Variants in XPO7 observed in about 807,000 individuals in gnomAD.
XPO7 encodes the protein exportin 7, also known as exportin-7.
A neutral mutation model predicts 144.3 loss-of-function variants in XPO7; 21 were observed. The observed-to-expected ratio is 0.15, with a 90% confidence interval of 0.10 to 0.21. The LOEUF (loss-of-function observed/expected upper bound fraction) is 0.21, where lower values mean the gene tolerates loss of function less well. Ranked by LOEUF, XPO7 falls within the 10% of genes least tolerant of loss-of-function variation. XPO7 has a pLI of 1.00. For synonymous variants in XPO7, 580 were observed against 499.6 expected, an observed-to-expected ratio of 1.16 and a Z score of -2.15; for missense variants, 808 against 1,325.8, an observed-to-expected ratio of 0.61 and a Z score of 6.06.
intron 10 of XPO7, 56 bp downstream of exon 10, chr8:21,981,933 T>A: frequency 6.2e-7 from 1 of 1,602,090 alleles, no homozygotes; most frequent in Non-Finnish European, 8.5e-7. Flanking sequence ...TCTTGCTTGT[T>A]GGTTTTAACC....
At chr8:21,924,764 G>T (rs572276136) in intron 1 of XPO7, among the ~76,000 whole-genome samples, 1 of 152,304 alleles carries the variant, frequency 6.6e-6, no homozygotes, top group East Asian at 1.9e-4. Context: ...TTGAGAAACT[G>T]ATTTACAAGT....
chr8:21,956,392 C>T (rs935674212), intron 1 of XPO7, among the ~76,000 whole-genome samples: 2 of 152,174 alleles, frequency 1.3e-5, no homozygotes, highest in Non-Finnish European at 1.5e-5. Context: ...TGGTGTGCCT[C>T]GGGTGTGGGT....
intron 27 of XPO7, 39 bp from the exon 28 acceptor site, chr8:22,004,956 C>G (rs758783294): frequency 1.5e-5 from 17 of 1,150,512 alleles, no homozygotes; most frequent in East Asian, 8.4e-5. Context: ...CCTTTCCCCC[C>G]CACTCTCCTC....
intron 1 of XPO7, among the ~76,000 whole-genome samples, chr8:21,965,900 C>T (rs1030576606): frequency 6.6e-6 from 1 of 152,180 alleles, no homozygotes; most frequent in Non-Finnish European, 1.5e-5. Context: ...CTCAAACTAT[C>T]CTTGCTGCTG....
At position 21,969,369 on chromosome 8, in the gene XPO7, A is replaced by G. The variant is rs566994701; in HGVS notation, c.166-114A>G. ...GACCCTCTAAAATCCAGAGGATCAA[A>G]TCTGCCAAAACTGATTGCCTTTTCT... is the stretch of plus-strand genomic sequence containing the variant. On this transcript the variant is annotated intron_variant, in intron 2 of 27. Coordinates refer to ENST00000252512, the MANE Select transcript of XPO7 (RefSeq NM_015024.5). 1.6e-5 allele frequency: 14 copies of G among 863,678 alleles called. 1 individual carries two copies. In the South Asian group the frequency reaches 2.2e-4, roughly 14 times the overall value. The allele number at this position is 863,678 out of a possible 1,614,324, so 53.5% of individuals were successfully genotyped here.
At chr8:21,986,242 C>A (rs1004961190) in intron 13 of XPO7, among the ~76,000 whole-genome samples, 3 of 150,472 alleles carry the variant, frequency 2.0e-5, no homozygotes, top group African/African-American at 7.3e-5. Context: ...GTTCCAGGTT[C>A]TCCCGGGTTC....
chr8:21,983,883 T>C (rs1434040899), intron 11 of XPO7, among the ~76,000 whole-genome samples: 1 of 152,132 alleles, frequency 6.6e-6, no homozygotes, highest in Admixed American at 6.5e-5. Context: ...GCCATTATCA[T>C]ATTGCAGTGT....
chr8:21,972,680 C>G (rs534811494), intron 5 of XPO7, among the ~76,000 whole-genome samples: 2 of 152,134 alleles, frequency 1.3e-5, no homozygotes, highest in Non-Finnish European at 1.5e-5. Context: ...ACTTTTTTAT[C>G]CAGCTAAAAA....
Position 21,958,540 on chromosome 8 carries a change from G to C in XPO7, c.19-8317G>C, listed in dbSNP as rs531815002. Among the ~76,000 whole-genome samples the C allele has an allele frequency of 2.6e-5, 4 of 151,742 alleles. No individual in the cohort carries two copies. The East Asian group carries it at 7.7e-4, about 29-fold the overall frequency. ...CTTAGGAACTCGACATAGCACTTCAGCACTCTGTGGGCCATGTTAAGCAGT... is the reference window on the plus strand; with the variant it reads ...CTTAGGAACTCGACATAGCACTTCACCACTCTGTGGGCCATGTTAAGCAGT... On this transcript the variant is annotated intron_variant, in intron 1 of 27. Coordinates refer to ENST00000252512, the MANE Select transcript of XPO7 (RefSeq NM_015024.5).
In XPO7 at chr8:21,981,982, A is replaced by G. The variant is rs757668863; in HGVS notation, c.1104+105A>G. The G allele has an allele frequency of 2.8e-4, 415 of 1,474,800 alleles. No homozygotes were observed. Among genetic ancestry groups the G allele is most frequent in the Non-Finnish European group, 3.5e-4 (377 of 1,082,316 alleles). The allele number at this position is 1,474,800 out of a possible 1,614,324, so 91.4% of individuals were successfully genotyped here. On this transcript the variant is annotated intron_variant, in intron 10 of 27. Coordinates refer to ENST00000252512, the MANE Select transcript of XPO7 (RefSeq NM_015024.5). ...TTTTTTTTTCTTGGCAAAGGTAACC[A>G]TAAGTCCAGTATAGCCCTACAGAGT...
chr8:21,991,774 C>T (rs887526013), intron 18 of XPO7, 94 bp from the exon 19 acceptor site: 17 of 925,956 alleles, frequency 1.8e-5, no homozygotes, highest in Non-Finnish European at 2.5e-5. Flanking sequence ...CTTGAGTTCC[C>T]CTGGGTTTGC....
intron 9 of XPO7, 40 bp downstream of exon 9, chr8:21,980,243 G>A (rs1279598996): frequency 6.5e-7 from 1 of 1,543,552 alleles, no homozygotes; most frequent in Admixed American, 2.0e-5. Flanking sequence ...TAGGATTAGT[G>A]TATGGCCAGC....
intron 24 of XPO7, among the ~76,000 whole-genome samples, chr8:22,001,662 C>G (rs183614952): frequency 6.6e-6 from 1 of 152,214 alleles, no homozygotes; most frequent in Admixed American, 6.5e-5. Flanking sequence ...AATCACAGCT[C>G]CTGCAATTAC....
chr8:21,924,326 T>A (rs1810388081), intron 1 of XPO7, among the ~76,000 whole-genome samples: 1 of 152,158 alleles, frequency 6.6e-6, no homozygotes, highest in Non-Finnish European at 1.5e-5. Context: ...ATCATATGTG[T>A]TCAGCTTGAT....
chr8:21,993,106 G>T (rs1812823113), intron 19 of XPO7, among the ~76,000 whole-genome samples: 2 of 152,104 alleles, frequency 1.3e-5, no homozygotes, highest in African/African-American at 4.8e-5. Context: ...TCTGAGATAG[G>T]TACCATTCAA....
chr8:21,998,614 G>A (rs1402939083), intron 21 of XPO7, 141 bp from the exon 22 acceptor site: 2 of 614,684 alleles, frequency 3.3e-6, no homozygotes, highest in Middle Eastern at 3.3e-4. Context: ...CTATAACTTG[G>A]TTATTCTCAT....
chr8:21,993,844 C>G (rs1285257987), intron 19 of XPO7, among the ~76,000 whole-genome samples: 1 of 151,934 alleles, frequency 6.6e-6, no homozygotes, highest in East Asian at 1.9e-4. Flanking sequence ...GCTCTTCTAC[C>G]TCTTCTTCTT....
chr8:21,919,888 C>G, intron 1 of XPO7, 100 bp downstream of exon 1: 2 of 288,804 alleles, frequency 6.9e-6, no homozygotes, highest in Non-Finnish European at 6.6e-6. Context: ...CGGGACTCGG[C>G]AGGCCCGCGC....
rs989358454 is a variant in XPO7, at chr8:21,984,900, C to T, written c.1471+61C>T. The T allele has an allele frequency of 2.8e-5, 43 of 1,543,538 alleles. No homozygotes were observed. In the African/African-American group the frequency reaches 4.5e-4, roughly 16 times the overall value. On this transcript the variant is annotated intron_variant, in intron 12 of 27. Transcript: ENST00000252512. ...GAGGAGATGTTGTCTAGTACCCCTT[C>T]GCTCATTGCCACCTCTTTCCTACCT...
Sources: allele counts gnomAD v4.1 joint callset (sites outside exome capture counted in the v4.1 genomes callset), GRCh38; gene constraint gnomAD v4.1.1; transcripts MANE v1.5; gene names NCBI Gene and HGNC (gene_info 2026-07-23, HGNC 2026-07-21).